CADPS: variants seen among roughly 807,000 people sequenced by gnomAD.
CADPS encodes calcium-dependent secretion activator 1.
A neutral mutation model predicts 167.3 loss-of-function variants in CADPS; 57 were observed. That is an observed-to-expected ratio of 0.34 (90% CI 0.28 to 0.42). The LOEUF (loss-of-function observed/expected upper bound fraction) is 0.42. Ranked by LOEUF, CADPS falls within the 20% of genes least tolerant of loss-of-function variation. CADPS has a pLI of 1.00. For synonymous variants in CADPS, 676 were observed against 635.3 expected, an observed-to-expected ratio of 1.06 and a Z score of -0.96; for missense variants, 1,414 against 1,738.1, an observed-to-expected ratio of 0.81 and a Z score of 3.32.
Position 62,736,085 on chromosome 3 carries a change from T to C in CADPS, c.888+17356A>G, listed in dbSNP as rs557829550. Reference sequence around the variant, plus strand: ...CCACAAGACTGCAAAGATTCACATGTGGAGGTTGACAGGTTGGGTTCAAGT... The same window carrying C: ...CCACAAGACTGCAAAGATTCACATGCGGAGGTTGACAGGTTGGGTTCAAGT... On this transcript the variant is annotated intron_variant, in intron 3 of 29. Transcript: ENST00000383710. Among the ~76,000 whole-genome samples the C allele has an allele frequency of 1.4e-3, 211 of 152,312 alleles. 1 individual carries two copies. The highest frequency in any genetic ancestry group is 4.9e-3 in the African/African-American group (202 of 41,586).
At chr3:62,571,308 G>A (rs758085993) in intron 8 of CADPS, among the ~76,000 whole-genome samples, 58 of 152,254 alleles carry the variant, frequency 3.8e-4, no homozygotes, top group South Asian at 4.1e-4. Flanking sequence ...TTTGCATCTT[G>A]TCAAGTTTCA....
intron 26 of CADPS, among the ~76,000 whole-genome samples, chr3:62,448,909 C>T (rs56778102): frequency 9.2e-5 from 14 of 152,146 alleles, no homozygotes; most frequent in East Asian, 7.7e-4. Context: ...CCACCATGCC[C>T]GGCCGCTGGA....
intron 3 of CADPS, among the ~76,000 whole-genome samples, chr3:62,680,688 G>A (rs927286090): frequency 2.6e-5 from 4 of 151,922 alleles, no homozygotes; most frequent in Admixed American, 2.6e-4. Context: ...GCACACATCT[G>A]GTCCTGTCTC....
In CADPS at chr3:62,570,738, T is replaced by C. The variant is rs144821106; in HGVS notation, c.1644+134A>G. On this transcript the variant is annotated intron_variant, in intron 9 of 29. Transcript: ENST00000383710. Reference sequence around the variant, plus strand: ...TATCCTCCTCTGAATGGTGGTTACATGGATATATGTAAAAATTCATTAAGC... The same window carrying C: ...TATCCTCCTCTGAATGGTGGTTACACGGATATATGTAAAAATTCATTAAGC... 1.8e-3 allele frequency: 1,262 copies of C among 697,820 alleles called. 9 individuals carry two copies. The highest frequency in any genetic ancestry group is 0.015 in the African/African-American group (828 of 56,462). 43.2% of individuals were successfully genotyped at this position (697,820 alleles called of 1,614,324 possible). A position where few individuals can be genotyped will look rare whatever the true frequency, so the allele number is the denominator to read the frequency against.
Position 62,421,200 on chromosome 3 carries a change from G to A in CADPS, c.3777+16904C>T, listed in dbSNP as rs957684097. ...GAGGCCCGGATCACTCTGCCTTGCC[G>A]TCAATGCTTCTCGTCCACAAGGCTC... On this transcript the variant is annotated intron_variant, in intron 28 of 29. Coordinates refer to ENST00000383710, the MANE Select transcript of CADPS (RefSeq NM_003716.4). The surrounding 1 kb of genome is among the most constrained non-coding windows in gnomAD (Gnocchi z 4.7). Among the ~76,000 whole-genome samples, 8 of 152,062 alleles carry A rather than the reference G, an allele frequency of 5.3e-5. No homozygotes were observed. Among genetic ancestry groups the A allele is most frequent in the African/African-American group, 7.2e-5 (3 of 41,388 alleles).
intron 28 of CADPS, among the ~76,000 whole-genome samples, chr3:62,405,569 G>C (rs1194783568): frequency 1.3e-5 from 2 of 152,034 alleles, no homozygotes; most frequent in Non-Finnish European, 2.9e-5. Flanking sequence ...AAAAAGGTAG[G>C]AGACTATCAA....
At chr3:62,752,486 C>A (rs933667031) in intron 3 of CADPS, among the ~76,000 whole-genome samples, 1 of 152,154 alleles carries the variant, frequency 6.6e-6, no homozygotes, top group African/African-American at 2.4e-5. Flanking sequence ...TAAGACCCTA[C>A]CTACTAGTTA....
At position 62,550,057 on chromosome 3, in the gene CADPS, A is replaced by G; in HGVS notation, c.1812T>C (p.Phe604=). ...NAVKEGDTVI[F]ASDDEQDRIL... ...TGCGGTCTTGTTCATCGTCACTGGC[A>G]AATATCACGGTGTCTCCCTCCTTGA... The change falls in exon 11 of 30, where the codon TTT becomes TTC. Residue 604 remains phenylalanine (F), a synonymous_variant. Coordinates refer to ENST00000383710, the MANE Select transcript of CADPS (RefSeq NM_003716.4). 2 of 1,614,066 alleles carry G rather than the reference A, an allele frequency of 1.2e-6. No homozygotes were observed. Among genetic ancestry groups the G allele is most frequent in the Non-Finnish European group, 1.7e-6 (2 of 1,179,968 alleles).
intron 1 of CADPS, among the ~76,000 whole-genome samples, chr3:62,836,215 T>C (rs1053958366): frequency 6.6e-6 from 1 of 152,142 alleles, no homozygotes; most frequent in Non-Finnish European, 1.5e-5. Flanking sequence ...TGAAGAGAAA[T>C]AAGGCATCTC....
At chr3:62,746,526 TAG>T (rs1564601540) in intron 3 of CADPS, among the ~76,000 whole-genome samples, 1 of 152,148 alleles carries the variant, frequency 6.6e-6, no homozygotes, top group East Asian at 1.9e-4. Context: ...TTTGTAGAGA[TAG>T]AGTCTCCCTA....
chr3:62,401,890 C>G (rs1706338015), intron 29 of CADPS, among the ~76,000 whole-genome samples: 1 of 152,142 alleles, frequency 6.6e-6, no homozygotes, highest in Admixed American at 6.5e-5. Flanking sequence ...CTTTTCATGT[C>G]TACCCAATAA....
At chr3:62,656,284 C>T (rs550611358) in intron 4 of CADPS, among the ~76,000 whole-genome samples, 1 of 152,236 alleles carries the variant, frequency 6.6e-6, no homozygotes, top group African/African-American at 2.4e-5. Context: ...TGTTAGTTGG[C>T]ACTTACTGAG....
Position 62,874,461 on chromosome 3 carries a change from C to G in CADPS, c.441+128G>C. On this transcript the variant is annotated intron_variant, in intron 1 of 29. Coordinates refer to ENST00000383710, the MANE Select transcript of CADPS (RefSeq NM_003716.4). The surrounding 1 kb of genome is among the most constrained non-coding windows in gnomAD (Gnocchi z 7.1). ...GCCGCTGGGAGGGGGCCTCGTAGCC[C>G]TTTCCCCAGGGCGCGGTCTCCACCT... is the stretch of plus-strand genomic sequence containing the variant. 1 of 715,898 alleles carries G rather than the reference C, an allele frequency of 1.4e-6. No homozygotes were observed. The highest frequency in any genetic ancestry group is 1.8e-5 in the African/African-American group (1 of 55,366). The allele number at this position is 715,898 out of a possible 1,614,324, so 44.3% of individuals were successfully genotyped here.
At chr3:62,715,296 C>T (rs937611098) in intron 3 of CADPS, among the ~76,000 whole-genome samples, 1 of 151,988 alleles carries the variant, frequency 6.6e-6, no homozygotes, top group East Asian at 1.9e-4. Flanking sequence ...TGCCCACCAC[C>T]ACTCCCAGCT....
intron 3 of CADPS, among the ~76,000 whole-genome samples, chr3:62,701,842 G>C (rs1262728164): frequency 6.6e-6 from 1 of 151,964 alleles, no homozygotes; most frequent in Non-Finnish European, 1.5e-5. Flanking sequence ...CAAAAACTCA[G>C]GACCCCAACT....
intron 16 of CADPS, among the ~76,000 whole-genome samples, chr3:62,515,771 T>G (rs1445204285): frequency 6.6e-6 from 1 of 152,128 alleles, no homozygotes; most frequent in African/African-American, 2.4e-5. Context: ...GAGCCGATAC[T>G]TAGGGCCAAC....
intron 1 of CADPS, among the ~76,000 whole-genome samples, chr3:62,842,376 T>C (rs2076767139): frequency 6.6e-6 from 1 of 152,204 alleles, no homozygotes; most frequent in South Asian, 2.1e-4. Context: ...GGTTGTCAAG[T>C]TCCAGAATCT....
Position 62,438,828 on chromosome 3 carries a change from T to A in CADPS, c.3670-617A>T, listed in dbSNP as rs1190341855. 1 of 152,022 alleles carries A rather than the reference T, an allele frequency of 6.6e-6. No homozygotes were observed. 9.4% of individuals were successfully genotyped at this position (152,022 alleles called of 1,614,324 possible). ...CACTCAGAGGAGACACTAAACCATT[T>A]GTCTTTGCTTCCAGTGCAGCCTTAA... On this transcript the variant is annotated intron_variant, in intron 27 of 29. Coordinates refer to ENST00000383710, the MANE Select transcript of CADPS (RefSeq NM_003716.4). This position sits in a 1 kb window ranked among gnomAD's most constrained non-coding sequence, Gnocchi z 4.7.
chr3:62,550,972 C>T, intron 10 of CADPS: 2 of 455,238 alleles, frequency 4.4e-6, no homozygotes, highest in South Asian at 3.1e-5. Context: ...GCTCCTCCTC[C>T]TCCTCTTCCT....
Sources: allele counts gnomAD v4.1 joint callset (sites outside exome capture counted in the v4.1 genomes callset), GRCh38; gene constraint gnomAD v4.1.1; non-coding constraint Gnocchi (gnomAD v3.1); transcripts MANE v1.5; gene names NCBI Gene and HGNC (gene_info 2026-07-23, HGNC 2026-07-21).